Variants in KMT5A observed in about 807,000 individuals in gnomAD.
The protein encoded by KMT5A is lysine methyltransferase 5A, also known as N-lysine methyltransferase KMT5A.
In KMT5A, 6 loss-of-function variants were observed where a neutral mutation model predicts 40.6. The observed-to-expected ratio is 0.15, with a 90% CI of 0.08 to 0.29. The LOEUF (loss-of-function observed/expected upper bound fraction) is 0.29, where lower values mean the gene tolerates loss of function less well. KMT5A is among the 10% of genes least tolerant of loss of function. KMT5A has a pLI of 1.00. For synonymous variants in KMT5A, 153 were observed against 178.8 expected (o/e 0.86, Z 1.15); for missense variants, 308 against 459.1 (o/e 0.67, Z 3.01).
rs551497905 is a variant in KMT5A, at chr12:123,387,910, G to A, written c.11-1523G>A. Among the ~76,000 whole-genome samples, 13 of 152,334 alleles carry A rather than the reference G, an allele frequency of 8.5e-5. No individual in the cohort carries two copies. In the South Asian group the frequency reaches 2.5e-3, roughly 29 times the overall value. ...CAAAACACCTCTGGGCAGATGCAGG[G>A]AAATAAGTCCAGCCCCTGACTCCCA... On this transcript the variant is annotated intron_variant, in intron 1 of 7. Coordinates refer to ENST00000402868, the MANE Select transcript of KMT5A (RefSeq NM_020382.7).
At chr12:123,392,341 T>C (rs1349471975) in intron 3 of KMT5A, among the ~76,000 whole-genome samples, 1 of 152,166 alleles carries the variant, frequency 6.6e-6, no homozygotes, top group East Asian at 1.9e-4. Flanking sequence ...GCTCATGGTT[T>C]TACTAAATGG....
At position 123,384,167 on chromosome 12, in the gene KMT5A, C is replaced by G; in HGVS notation, c.-32C>G. 6.8e-6 allele frequency: 11 copies of G among 1,613,352 alleles called. No homozygotes were observed. The highest frequency in any genetic ancestry group is 8.5e-6 in the Non-Finnish European group (10 of 1,179,614). On this transcript the variant is annotated 5_prime_UTR_variant, in exon 1 of 8. Transcript: ENST00000402868. The surrounding 1 kb of genome is among the most constrained non-coding windows in gnomAD (Gnocchi z 5.7). ...AACTTTTTTCGAAAGCTGGGTTTCC[C>G]GGGAGATCCCAGGCGGTGACAGAGT...
At chr12:123,395,993 G>A (rs142905096) in intron 4 of KMT5A, among the ~76,000 whole-genome samples, 1 of 152,278 alleles carries the variant, frequency 6.6e-6, no homozygotes, top group Non-Finnish European at 1.5e-5. Flanking sequence ...CCATAGGTGT[G>A]CACCACCATG....
chr12:123,384,355 G>A lies in KMT5A; in HGVS notation c.10+147G>A. On this transcript the variant is annotated intron_variant, in intron 1 of 7. Coordinates refer to ENST00000402868, the MANE Select transcript of KMT5A (RefSeq NM_020382.7). This position sits in a 1 kb window ranked among gnomAD's most constrained non-coding sequence, Gnocchi z 5.7. ...GGACCCGCGTGGGGGGAGAGGGGGT[G>A]CTGCTGCGGAACCCGCCGGCCCCCC... 8.8e-7 allele frequency: 1 copy of A among 1,132,088 alleles called. No individual in the cohort carries two copies. The highest frequency in any genetic ancestry group is 1.3e-6 in the Non-Finnish European group (1 of 798,596). 70.1% of individuals were successfully genotyped at this position (1,132,088 alleles called of 1,614,324 possible).
At chr12:123,397,261 G>A (rs1194757835) in intron 5 of KMT5A, among the ~76,000 whole-genome samples, 1 of 152,212 alleles carries the variant, frequency 6.6e-6, no homozygotes, top group East Asian at 1.9e-4. Context: ...TGAAGGAAAC[G>A]CAGGGCATGG....
intron 3 of KMT5A, among the ~76,000 whole-genome samples, chr12:123,393,028 C>T (rs754786538): frequency 1.3e-5 from 2 of 152,102 alleles, no homozygotes; most frequent in Admixed American, 6.6e-5. Flanking sequence ...AGGTGCCCGC[C>T]ACCACGCTCG....
Position 123,396,327 on chromosome 12 carries a change from T to C in KMT5A, c.510-18T>C. The C allele has an allele frequency of 6.2e-7, 1 of 1,611,718 alleles. No homozygotes were observed. Among genetic ancestry groups the C allele is most frequent in the Non-Finnish European group, 8.5e-7 (1 of 1,179,480 alleles). On this transcript the variant is annotated intron_variant, in intron 4 of 7. Coordinates refer to ENST00000402868, the MANE Select transcript of KMT5A (RefSeq NM_020382.7). ...TTCAGTCCTGATATTTATTTTCTCCTCTTCCCCTCTTACCCAGAGCTCAAG... is the reference window on the plus strand; with the variant it reads ...TTCAGTCCTGATATTTATTTTCTCCCCTTCCCCTCTTACCCAGAGCTCAAG...
At position 123,407,519 on chromosome 12, in the gene KMT5A, G is replaced by A. The variant is rs1878642395; in HGVS notation, c.875G>A (p.Arg292His). Residue 292 changes from arginine (R) to histidine (H), a missense_variant, in exon 8 of 8, where the codon CGC becomes CAC. Physicochemically the swap from Arg to His is conservative, Grantham distance 29 (BLOSUM62 0). Transcript: ENST00000402868. The stretch of plus-strand genomic sequence containing the variant: ...GTGGATGCAACTAGAGAGACAAATC[G>A]CCTAGGAAGACTGATCAATCACAGC... ...YCVDATRETN[R>H]LGRLINHSKC... is the part of the protein sequence containing the mutation. 3.7e-6 allele frequency: 6 copies of A among 1,613,788 alleles called. No individual in the cohort carries two copies. Among genetic ancestry groups the A allele is most frequent in the Non-Finnish European group, 5.1e-6 (6 of 1,179,830 alleles).
chr12:123,405,223 T>C, intron 7 of KMT5A, 149 bp downstream of exon 7: 1 of 775,660 alleles, frequency 1.3e-6, no homozygotes, highest in South Asian at 2.0e-5. Context: ...AGATGGAGTC[T>C]TGCTCTGTTG....
At position 123,384,311 on chromosome 12, in the gene KMT5A, T is replaced by C. The variant is rs542545467; in HGVS notation, c.10+103T>C. 1.0e-4 allele frequency: 151 copies of C among 1,503,610 alleles called. No homozygotes were observed. In the African/African-American group the frequency reaches 2.0e-3, roughly 20 times the overall value. The allele number at this position is 1,503,610 out of a possible 1,614,324, so 93.1% of individuals were successfully genotyped here. A position where few individuals can be genotyped will look rare whatever the true frequency, so the allele number is the denominator to read the frequency against. ...GCTGCGGGGAGGCGTCCTCCTCGGG[T>C]GGCTCGGGGCAAGCTTGGGGACCCG... On this transcript the variant is annotated intron_variant, in intron 1 of 7. Transcript: ENST00000402868. This position sits in a 1 kb window ranked among gnomAD's most constrained non-coding sequence, Gnocchi z 5.7.
chr12:123,391,036 A>G (rs1380274543), intron 3 of KMT5A: 1 of 463,782 alleles, frequency 2.2e-6, no homozygotes, highest in African/African-American at 2.0e-5. Context: ...GCTTAGTTGC[A>G]AAAATAACAT....
intron 1 of KMT5A, 125 bp from the exon 2 acceptor site, chr12:123,389,308 C>A: frequency 1.8e-6 from 1 of 564,576 alleles, no homozygotes; most frequent in Non-Finnish European, 2.2e-6. Context: ...TCACCAGAGC[C>A]GGGGCCTCGA....
intron 5 of KMT5A, among the ~76,000 whole-genome samples, chr12:123,401,845 G>A (rs990799042): frequency 3.3e-5 from 5 of 152,088 alleles, no homozygotes; most frequent in Non-Finnish European, 7.4e-5. Flanking sequence ...GCCTCCCAAA[G>A]TGCTGGGATG....
At chr12:123,390,917 C>A in intron 3 of KMT5A, 131 bp downstream of exon 3, 1 of 1,095,652 alleles carries the variant, frequency 9.1e-7, no homozygotes. Flanking sequence ...GAGCCATGTT[C>A]TGTCTTGCTG....
At chr12:123,398,057 C>T (rs571414795) in intron 5 of KMT5A, among the ~76,000 whole-genome samples, 1 of 151,220 alleles carries the variant, frequency 6.6e-6, no homozygotes, top group Non-Finnish European at 1.5e-5. Context: ...CCCAGGTGAG[C>T]GGATCATCTG....
Position 123,389,463 on chromosome 12 carries a change from A to G in KMT5A, c.41A>G (p.Glu14Gly). 1 of 1,092,232 alleles carries G rather than the reference A, an allele frequency of 9.2e-7. No individual in the cohort carries two copies. Among genetic ancestry groups the G allele is most frequent in the Non-Finnish European group, 1.1e-6 (1 of 906,470 alleles). The allele number at this position is 1,092,232 out of a possible 1,614,324, so 67.7% of individuals were successfully genotyped here. The stretch of plus-strand genomic sequence containing the variant: ...AAGATGTCCAAGCCCCGCGCGGTGG[A>G]GGCGGCGGCGGCGGCGGCGGCGGTG... ...GRKMSKPRAVEAAAAAAAVAA... is the reference protein window; with the variant it reads ...GRKMSKPRAVGAAAAAAAVAA... The change falls in exon 2 of 8, where the codon GAG (glutamate) becomes GGG (glycine). Residue 14 changes from glutamate (E) to glycine (G), a missense_variant. By Grantham distance (98) the Glu-to-Gly change is moderately conservative. Transcript: ENST00000402868.
chr12:123,406,388 C>T (rs1167554966), intron 7 of KMT5A, among the ~76,000 whole-genome samples: 1 of 152,078 alleles, frequency 6.6e-6, no homozygotes, highest in Admixed American at 6.6e-5. Flanking sequence ...GATCTTGGCT[C>T]ACTGCAACTT....
In KMT5A at chr12:123,390,755, A is replaced by C; in HGVS notation, c.258A>C (p.Lys86Asn). 6.2e-7 allele frequency: 1 copy of C among 1,613,946 alleles called. No homozygotes were observed. The highest frequency in any genetic ancestry group is 1.3e-5 in the African/African-American group (1 of 75,030). The part of the protein sequence containing the change: ...VTHHEVKCQG[K>N]PLAGIYRKRE... ...ATCACGAAGTCAAATGCCAGGGGAA[A>C]CCATTAGCCGGAATCTACAGGAAAC... Residue 86 changes from lysine to asparagine, a missense_variant, in exon 3 of 8, where the codon AAA becomes AAC. By Grantham distance (94) the Lys-to-Asn change is moderately conservative. Coordinates refer to ENST00000402868, the MANE Select transcript of KMT5A (RefSeq NM_020382.7).
At chr12:123,394,055 G>A (rs1013969860) in intron 3 of KMT5A, among the ~76,000 whole-genome samples, 1 of 150,904 alleles carries the variant, frequency 6.6e-6, no homozygotes, top group Admixed American at 6.6e-5. Flanking sequence ...TAAAGTGGCT[G>A]CACCATTTTA....
Sources: allele counts gnomAD v4.1 joint callset (sites outside exome capture counted in the v4.1 genomes callset), GRCh38; gene constraint gnomAD v4.1.1; non-coding constraint Gnocchi (gnomAD v3.1); transcripts MANE v1.5; gene names NCBI Gene and HGNC (gene_info 2026-07-23, HGNC 2026-07-21).